The following MACROD2 variants were observed in gnomAD, a reference collection of about 807,000 sequenced individuals.
The protein encoded by MACROD2 is mono-ADP ribosylhydrolase 2.
Under a neutral mutation model 70.4 loss-of-function variants are expected in MACROD2, and 36 were observed. The ratio of observed to expected loss-of-function variants is 0.51; its 90% CI spans 0.39 to 0.68. The LOEUF is 0.68. Among genes scored for constraint, MACROD2 ranks in the 30% least tolerant of loss-of-function variants. MACROD2 has a pLI of 0.00. For synonymous variants in MACROD2, 172 were observed against 178.8 expected (o/e 0.96, Z 0.30); for missense variants, 496 against 538.4 (o/e 0.92, Z 0.78).
intron 3 of MACROD2, among the ~76,000 whole-genome samples, chr20:14,173,056 G>C (rs1378113203): frequency 6.6e-6 from 1 of 152,116 alleles, no homozygotes; most frequent in Non-Finnish European, 1.5e-5. Flanking sequence ...TGATGCTTTT[G>C]CCTTACAGCT....
chr20:15,316,101 TAA>T (rs57271877), intron 6 of MACROD2, among the ~76,000 whole-genome samples: 30 of 118,750 alleles, frequency 2.5e-4, no homozygotes, highest in Admixed American at 3.3e-4. Context: ...AATGGCACAC[TAA>T]AAAAAAAAAA....
At chr20:16,013,631 T>C (rs189222098) in intron 15 of MACROD2, among the ~76,000 whole-genome samples, 154 of 152,332 alleles carry the variant, frequency 1.0e-3, no homozygotes, top group Admixed American at 8.8e-3. Flanking sequence ...TGACTCTCCA[T>C]GGCCACGTTC....
chr20:14,973,684 T>A (rs1406562995), intron 5 of MACROD2, among the ~76,000 whole-genome samples: 1 of 152,158 alleles, frequency 6.6e-6, no homozygotes, highest in Non-Finnish European at 1.5e-5. Flanking sequence ...CAGTCTTCAC[T>A]TACTATGAAG....
chr20:14,277,518 A>G (rs1325823406), intron 3 of MACROD2, among the ~76,000 whole-genome samples: 1 of 152,244 alleles, frequency 6.6e-6, no homozygotes, highest in Non-Finnish European at 1.5e-5. Flanking sequence ...GTTTAAAGGT[A>G]TGGGGAGAGT....
At chr20:15,152,629 G>A (rs182534582) in intron 5 of MACROD2, among the ~76,000 whole-genome samples, 33 of 119,730 alleles carry the variant, frequency 2.8e-4, no homozygotes, top group African/African-American at 3.8e-4. Flanking sequence ...CCAGAAAAGC[G>A]GAGAAGGGGT....
At chr20:15,962,390 T>C (rs1439651842) in intron 12 of MACROD2, among the ~76,000 whole-genome samples, 1 of 152,208 alleles carries the variant, frequency 6.6e-6, no homozygotes, top group Non-Finnish European at 1.5e-5. Context: ...TGCCTGAATT[T>C]CCCTAGAGTT....
rs71190157 is a variant in MACROD2 at position 14,857,810 on chromosome 20, G to GTTTGT, written c.418+172874_418+172878dup. On this transcript the variant is annotated intron_variant, in intron 5 of 17. Coordinates refer to ENST00000684519, the MANE Select transcript of MACROD2 (RefSeq NM_001351661.2). ...GTCAATAGGGAACTGTGCTTTTTTTGTTTGTTTTGTTTTGTTTTGTTTTGT... is the reference window on the plus strand; with the variant it reads ...GTCAATAGGGAACTGTGCTTTTTTTGTTTGTTTTGTTTTGTTTTGTTTTGTTTTGT... 7.3e-4 allele frequency among the ~76,000 whole-genome samples: 111 copies of GTTTGT among 151,140 alleles called. 1 individual carries two copies. Among genetic ancestry groups the GTTTGT allele is most frequent in the Admixed American group, 1.8e-3 (27 of 15,190 alleles).
At chr20:14,167,684 C>T (rs1477531564) in intron 3 of MACROD2, among the ~76,000 whole-genome samples, 3 of 151,976 alleles carry the variant, frequency 2.0e-5, no homozygotes, top group Non-Finnish European at 2.9e-5. Context: ...CCACCGCACA[C>T]GGCCTAAAAT....
intron 2 of MACROD2, among the ~76,000 whole-genome samples, chr20:14,063,171 A>AT (rs2053709625): frequency 6.6e-6 from 1 of 152,236 alleles, no homozygotes; most frequent in Admixed American, 6.5e-5. Flanking sequence ...AAAGGAATTG[A>AT]TTTAATTTTT....
At chr20:14,348,628 G>A (rs2083088993) in intron 3 of MACROD2, among the ~76,000 whole-genome samples, 1 of 151,734 alleles carries the variant, frequency 6.6e-6, no homozygotes, top group South Asian at 2.1e-4. Flanking sequence ...ATGATTTTTG[G>A]TGGAATGTAC....
At chr20:14,933,644 A>AT (rs1052504686) in intron 5 of MACROD2, among the ~76,000 whole-genome samples, 20 of 152,170 alleles carry the variant, frequency 1.3e-4, no homozygotes, top group Admixed American at 4.6e-4. Flanking sequence ...AAATAAAAAA[A>AT]AAAAGTAAAG....
At chr20:15,724,546 T>G (rs1226384534) in intron 8 of MACROD2, among the ~76,000 whole-genome samples, 1 of 152,210 alleles carries the variant, frequency 6.6e-6, no homozygotes, top group Non-Finnish European at 1.5e-5. Flanking sequence ...AAGACTATCT[T>G]TGTTCTATTG....
chr20:15,129,779 G>C (rs576560710), intron 5 of MACROD2, among the ~76,000 whole-genome samples: 2 of 152,154 alleles, frequency 1.3e-5, no homozygotes, highest in East Asian at 3.9e-4. Context: ...GAATGGGCTT[G>C]GTGAAACAGA....
rs73260867 is a variant in MACROD2, at chr20:14,652,986, T to C, written c.302-31857T>C. Among the ~76,000 whole-genome samples the C allele has an allele frequency of 3.3e-3, 510 of 152,326 alleles. 5 individuals carry two copies. Among genetic ancestry groups the C allele is most frequent in the African/African-American group, 0.012 (479 of 41,574 alleles). On this transcript the variant is annotated intron_variant, in intron 4 of 17. Coordinates refer to ENST00000684519, the MANE Select transcript of MACROD2 (RefSeq NM_001351661.2). ...GTCAAGCAATTCAGGATTTCCAGTCTCTGCCCCATCATTTATTAGCCGTGT... is the reference window on the plus strand; with the variant it reads ...GTCAAGCAATTCAGGATTTCCAGTCCCTGCCCCATCATTTATTAGCCGTGT...
At position 15,365,306 on chromosome 20, in the gene MACROD2, G is replaced by A. The variant is rs148930658; in HGVS notation, c.541-66099G>A. Among the ~76,000 whole-genome samples, 1,386 of 152,120 alleles carry A rather than the reference G, an allele frequency of 9.1e-3. 25 individuals are homozygous for A. The highest frequency in any genetic ancestry group is 0.032 in the African/African-American group (1,331 of 41,502). ...AAGGAAAGAAAAAATCTTGTTCTTC[G>A]TTCAGTAAGCCACAAACTTGGAGCC... is the stretch of plus-strand genomic sequence containing the variant. On this transcript the variant is annotated intron_variant, in intron 6 of 17. Coordinates refer to ENST00000684519, the MANE Select transcript of MACROD2 (RefSeq NM_001351661.2).
At position 15,056,067 on chromosome 20, in the gene MACROD2, G is replaced by A. The variant is rs144234292; in HGVS notation, c.419-173873G>A. ...CTCCCAAAGTGCTGGGATTACAGGC[G>A]TGAGCCACAGCACCTGGCCGAAAGC... On this transcript the variant is annotated intron_variant, in intron 5 of 17. Transcript: ENST00000684519. Among the ~76,000 whole-genome samples, 1,279 of 152,206 alleles carry A rather than the reference G, an allele frequency of 8.4e-3. 22 individuals carry two copies. The highest frequency in any genetic ancestry group is 0.028 in the African/African-American group (1,181 of 41,524).
chr20:15,716,715 C>G (rs1162770145), intron 8 of MACROD2, among the ~76,000 whole-genome samples: 2 of 152,156 alleles, frequency 1.3e-5, no homozygotes, highest in Non-Finnish European at 2.9e-5. Flanking sequence ...AATAAAAACT[C>G]ACAGTGAAAG....
At chr20:15,088,017 G>A (rs1425509613) in intron 5 of MACROD2, among the ~76,000 whole-genome samples, 2 of 151,816 alleles carry the variant, frequency 1.3e-5, no homozygotes, top group South Asian at 2.1e-4. Flanking sequence ...TTTTTCACAT[G>A]CCAGGTAACA....
At chr20:15,005,615 A>G (rs1339894482) in intron 5 of MACROD2, among the ~76,000 whole-genome samples, 4 of 152,118 alleles carry the variant, frequency 2.6e-5, no homozygotes, top group African/African-American at 9.7e-5. Context: ...TTTATCCCCC[A>G]CAAGGTAGTT....
Sources: gnomAD v4.1 joint callset for allele counts (sites outside exome capture counted in the v4.1 genomes callset) on GRCh38, gnomAD v4.1.1 for gene constraint, MANE v1.5 for transcripts, NCBI Gene and HGNC (gene_info 2026-07-23, HGNC 2026-07-21) for gene names.